Variants in NPAS3 observed in about 807,000 individuals in gnomAD.
NPAS3 encodes neuronal PAS domain-containing protein 3.
Under a neutral mutation model 73.1 loss-of-function variants are expected in NPAS3, and 14 were observed. The observed-to-expected ratio is 0.19, with a 90% CI of 0.13 to 0.30. NPAS3 has a LOEUF of 0.30. NPAS3 is among the 10% of genes least tolerant of loss of function. NPAS3 has a pLI of 1.00. For synonymous variants in NPAS3, 620 were observed against 541.5 expected (o/e 1.14, Z -2.01); for missense variants, 1,096 against 1,250.0 (o/e 0.88, Z 1.86).
chr14:33,609,960 T>C (rs2057699884), intron 5 of NPAS3, among the ~76,000 whole-genome samples: 1 of 152,176 alleles, frequency 6.6e-6, no homozygotes, highest in Non-Finnish European at 1.5e-5. Flanking sequence ...TTTAACCAAA[T>C]GTAGTGTTAC....
At chr14:33,207,193 GATC>G (rs2046852438) in intron 2 of NPAS3, among the ~76,000 whole-genome samples, 2 of 150,968 alleles carry the variant, frequency 1.3e-5, no homozygotes, top group Non-Finnish European at 3.0e-5. Flanking sequence ...TACAGATTAA[GATC>G]TGGATGCTTT....
chr14:33,340,486 C>T (rs749742090), intron 3 of NPAS3, among the ~76,000 whole-genome samples: 20 of 152,188 alleles, frequency 1.3e-4, no homozygotes, highest in Admixed American at 8.5e-4. Context: ...CAGAGGGAGA[C>T]TCCGTCTCAA....
chr14:33,055,146 T>A (rs2040843444), intron 1 of NPAS3, among the ~76,000 whole-genome samples: 1 of 152,156 alleles, frequency 6.6e-6, no homozygotes, highest in African/African-American at 2.4e-5. Context: ...AATGAAGGGA[T>A]TTTCAATAGA....
At chr14:33,380,374 A>T (rs2046494157) in intron 4 of NPAS3, among the ~76,000 whole-genome samples, 1 of 151,846 alleles carries the variant, frequency 6.6e-6, no homozygotes, top group African/African-American at 2.4e-5. Context: ...AGGGTATAGG[A>T]CTCGCTACTA....
intron 4 of NPAS3, among the ~76,000 whole-genome samples, chr14:33,552,219 A>C (rs1413254007): frequency 6.6e-6 from 1 of 152,224 alleles, no homozygotes; most frequent in Non-Finnish European, 1.5e-5. Context: ...TGGAAGAGGC[A>C]AGGATTCCAC....
chr14:33,216,757 A>T (rs1167030957), intron 3 of NPAS3, among the ~76,000 whole-genome samples: 2 of 152,196 alleles, frequency 1.3e-5, no homozygotes, highest in Non-Finnish European at 2.9e-5. Flanking sequence ...CCCATAGGCT[A>T]TAGTTTGAAG....
chr14:33,791,877 C>A (rs2063368704), intron 9 of NPAS3, among the ~76,000 whole-genome samples: 2 of 152,250 alleles, frequency 1.3e-5, no homozygotes, highest in South Asian at 4.2e-4. Flanking sequence ...AGTCTCTTTG[C>A]CTTTGTTAAA....
intron 6 of NPAS3, among the ~76,000 whole-genome samples, chr14:33,721,602 G>A (rs765113024): frequency 1.3e-5 from 2 of 152,092 alleles, no homozygotes; most frequent in Non-Finnish European, 2.9e-5. Context: ...ACAATGAATC[G>A]AAAATATTTT....
At chr14:33,676,367 T>C (rs762121179) in exon 6 of NPAS3, 9 of 1,582,788 alleles carry the variant, frequency 5.7e-6, no homozygotes, top group Non-Finnish European at 1.7e-6. Flanking sequence ...CTCCTCTCAG[T>C]CGGAGACCCC....
chr14:33,576,376 A>G (rs1334388617), intron 5 of NPAS3, among the ~76,000 whole-genome samples: 1 of 152,092 alleles, frequency 6.6e-6, no homozygotes, highest in Non-Finnish European at 1.5e-5. Flanking sequence ...ACGGACTGTA[A>G]TTTACTTTTT....
chr14:33,373,333 A>T (rs144465657), intron 4 of NPAS3, among the ~76,000 whole-genome samples: 33 of 152,104 alleles, frequency 2.2e-4, no homozygotes, highest in African/African-American at 7.7e-4. Flanking sequence ...TAGTACATGG[A>T]AATTGTTAAG....
chr14:33,453,611 T>C (rs2049898068), intron 4 of NPAS3, among the ~76,000 whole-genome samples: 1 of 152,158 alleles, frequency 6.6e-6, no homozygotes, highest in Non-Finnish European at 1.5e-5. Flanking sequence ...TTCAGCAACA[T>C]AAAAAAGAAA....
intron 5 of NPAS3, among the ~76,000 whole-genome samples, chr14:33,634,402 G>A (rs372719812): frequency 5.1e-4 from 77 of 152,300 alleles, no homozygotes; most frequent in Middle Eastern, 6.8e-3. Flanking sequence ...ACAGTGAACT[G>A]CTCCAAGTGA....
intron 2 of NPAS3, among the ~76,000 whole-genome samples, chr14:33,169,969 T>C (rs2045326473): frequency 6.6e-6 from 1 of 152,204 alleles, no homozygotes; most frequent in South Asian, 2.1e-4. Context: ...TTCTGATACA[T>C]CTTGTAGTTT....
intron 3 of NPAS3, among the ~76,000 whole-genome samples, chr14:33,361,514 C>A (rs1300266051): frequency 6.6e-6 from 1 of 152,090 alleles, no homozygotes; most frequent in Non-Finnish European, 1.5e-5. Flanking sequence ...GTTTCTTTTT[C>A]CCAAAAGCAG....
chr14:33,661,346 T>C (rs1029149636), intron 5 of NPAS3, among the ~76,000 whole-genome samples: 2 of 152,214 alleles, frequency 1.3e-5, no homozygotes, highest in Admixed American at 6.5e-5. Flanking sequence ...GAGGAAGTTA[T>C]TATTGAGTGA....
chr14:33,345,667 G>T (rs2044692543), intron 3 of NPAS3, among the ~76,000 whole-genome samples: 2 of 152,302 alleles, frequency 1.3e-5, no homozygotes, highest in African/African-American at 4.8e-5. Context: ...GAAGGATACA[G>T]AATTAAACTT....
chr14:33,771,629 G>A (rs188267299), intron 7 of NPAS3, among the ~76,000 whole-genome samples: 15,016 of 151,950 alleles, frequency 0.099, 1,043 homozygotes, highest in East Asian at 0.34. Flanking sequence ...GGCTAACATG[G>A]TGAAACCCCG....
chr14:33,612,545 G>C (rs533275479), intron 5 of NPAS3: 1 of 455,702 alleles, frequency 2.2e-6, no homozygotes, highest in South Asian at 1.5e-5. Flanking sequence ...GGCTTTAAAA[G>C]ATATTATTGC....
Sources: gnomAD v4.1 joint callset for allele counts (sites outside exome capture counted in the v4.1 genomes callset) on GRCh38, gnomAD v4.1.1 for gene constraint, MANE v1.5 for transcripts, NCBI Gene and HGNC (gene_info 2026-07-23, HGNC 2026-07-21) for gene names.